Variants in MCOLN3 observed in about 807,000 individuals in gnomAD.
The protein encoded by MCOLN3 is mucolipin TRP cation channel 3.
In MCOLN3, 62 loss-of-function variants were observed where a neutral mutation model predicts 69.4. The ratio of observed to expected loss-of-function variants is 0.89; its 90% CI spans 0.73 to 1.10. The LOEUF is 1.10. Among genes scored for constraint, MCOLN3 ranks in the 50% least tolerant of loss-of-function variants. The pLI is 0.00. For missense variants in MCOLN3, 564 were observed against 656.4 expected (o/e 0.86, Z 1.54); for synonymous variants, 183 against 217.0 (o/e 0.84, Z 1.38).
chr1:85,026,647 C>T (rs1390979238), intron 7 of MCOLN3, among the ~76,000 whole-genome samples: 2 of 151,392 alleles, frequency 1.3e-5, no homozygotes, highest in East Asian at 3.9e-4. Context: ...GTCCCAGCTA[C>T]TTGGGAGGCT....
intron 12 of MCOLN3, 119 bp downstream of exon 12, chr1:85,020,951 C>T (rs1003716936): frequency 1.4e-5 from 10 of 694,500 alleles, no homozygotes; most frequent in Non-Finnish European, 2.0e-5. Context: ...GGTCCTTTTT[C>T]TCTATCCTGA....
chr1:85,021,377 C>A, intron 11 of MCOLN3, 101 bp from the exon 12 acceptor site: 2 of 933,336 alleles, frequency 2.1e-6, no homozygotes, highest in East Asian at 5.0e-5. Flanking sequence ...CCAGATAACC[C>A]AAGCTACCAT....
chr1:85,025,900 A>G (rs980292077), intron 9 of MCOLN3, 39 bp downstream of exon 9: 1 of 1,549,034 alleles, frequency 6.5e-7, no homozygotes, highest in African/African-American at 1.4e-5. Context: ...ATTAGTGCAA[A>G]TCTGACACTA....
At chr1:85,030,575 T>C (rs1441043831) in intron 6 of MCOLN3, among the ~76,000 whole-genome samples, 2 of 152,120 alleles carry the variant, frequency 1.3e-5, no homozygotes, top group African/African-American at 2.4e-5. Flanking sequence ...AAGAAAATCA[T>C]GCTGAATAAA....
chr1:85,019,231 C>T lies in MCOLN3; in HGVS notation c.1554G>A (p.Glu518=), dbSNP rs1205158144. Residue 518 remains glutamate (E), a synonymous_variant, in exon 13 of 13, where the codon GAG becomes GAA. Coordinates refer to ENST00000370589, the MANE Select transcript of MCOLN3 (RefSeq NM_018298.11). ...IKQYQQDGFP[E]TELRTFISEC... ...CTGATATAAATGTACGAAGTTCAGTCTCTGGGAAGCCATCTTGTTGGTATT... is the reference window on the plus strand; with the variant it reads ...CTGATATAAATGTACGAAGTTCAGTTTCTGGGAAGCCATCTTGTTGGTATT... 6.2e-7 allele frequency: 1 copy of T among 1,613,806 alleles called. No individual in the cohort carries two copies. The highest frequency in any genetic ancestry group is 2.2e-5 in the East Asian group (1 of 44,854).
chr1:85,018,362 C>A lies in MCOLN3; in HGVS notation c.*761G>T, dbSNP rs1239932320. 6.6e-6 allele frequency: 1 copy of A among 152,142 alleles called. No homozygotes were observed. 9.4% of individuals were successfully genotyped at this position (152,142 alleles called of 1,614,324 possible). On this transcript the variant is annotated 3_prime_UTR_variant, in exon 13 of 13. Coordinates refer to ENST00000370589, the MANE Select transcript of MCOLN3 (RefSeq NM_018298.11). ...TCCCTTTTCTATGTTTAGATACTTA[C>A]CATTGTGTTACAATTGCCTACTGTA...
At chr1:85,043,917 C>T (rs1386633304) in intron 2 of MCOLN3, among the ~76,000 whole-genome samples, 2 of 151,514 alleles carry the variant, frequency 1.3e-5, no homozygotes, top group Non-Finnish European at 2.9e-5. Context: ...CCACACCTGG[C>T]TTATTTTTGT....
intron 3 of MCOLN3, among the ~76,000 whole-genome samples, chr1:85,036,265 C>A (rs1652799434): frequency 6.6e-6 from 1 of 152,284 alleles, no homozygotes. Context: ...GATCTCGGCT[C>A]ACTGCAACCT....
chr1:85,031,918 TAC>T (rs1652546551), intron 6 of MCOLN3, among the ~76,000 whole-genome samples: 2 of 141,074 alleles, frequency 1.4e-5, no homozygotes, highest in South Asian at 4.5e-4. Flanking sequence ...TAAAAAAAAA[TAC>T]AAAAAATTAG....
chr1:85,027,428 A>T (rs567886682), intron 7 of MCOLN3, among the ~76,000 whole-genome samples: 1 of 152,352 alleles, frequency 6.6e-6, no homozygotes, highest in Non-Finnish European at 1.5e-5. Flanking sequence ...GAGAGGTCAC[A>T]TGATTTCCCC....
chr1:85,041,231 C>G, intron 2 of MCOLN3, 54 bp from the exon 3 acceptor site: 1 of 1,494,004 alleles, frequency 6.7e-7, no homozygotes, highest in Non-Finnish European at 9.1e-7. Flanking sequence ...GCAGAAAAAG[C>G]AGAGCAGAAG....
At chr1:85,041,206 G>A in intron 2 of MCOLN3, 29 bp from the exon 3 acceptor site, 2 of 1,591,098 alleles carry the variant, frequency 1.3e-6, no homozygotes, top group Non-Finnish European at 1.7e-6. Flanking sequence ...AAAGGTAAGA[G>A]GGTGGAAAAT....
chr1:85,026,156 A>C lies in MCOLN3; in HGVS notation c.945+16T>G. On this transcript the variant is annotated intron_variant, in intron 8 of 12. Coordinates refer to ENST00000370589, the MANE Select transcript of MCOLN3 (RefSeq NM_018298.11). ...TCAAAATGTCAGTAGCATTCCTAGA[A>C]AGCAACGTTCCCTACCTGCTGAAGC... 6.2e-7 allele frequency: 1 copy of C among 1,613,596 alleles called. No individual in the cohort carries two copies. Among genetic ancestry groups the C allele is most frequent in the Non-Finnish European group, 8.5e-7 (1 of 1,179,556 alleles).
In MCOLN3 at chr1:85,021,230, T is replaced by C. The variant is rs576043238; in HGVS notation, c.1367A>G (p.Asn456Ser). ...AAACGTGGCAAACATATCATCTCCA[T>C]TTATCAGAGAGAAAAGGCACTCAGA... ...MVSECLFSLI[N>S]GDDMFATFAK... Residue 456 changes from asparagine to serine, a missense_variant, in exon 12 of 13, where the codon AAT becomes AGT. Transcript: ENST00000370589. The C allele has an allele frequency of 5.6e-6, 9 of 1,613,832 alleles. No homozygotes were observed. The South Asian group carries it at 8.8e-5, about 16-fold the overall frequency.
chr1:85,034,199 C>T lies in MCOLN3; in HGVS notation c.449G>A (p.Gly150Asp), dbSNP rs1490768746. The change falls in exon 4 of 13, where the codon GGT (glycine) becomes GAT (aspartate). Residue 150 changes from glycine (G) to aspartate (D), a missense_variant. By Grantham distance (94) the Gly-to-Asp change is moderately conservative. Coordinates refer to ENST00000370589, the MANE Select transcript of MCOLN3 (RefSeq NM_018298.11). ...SVGNHAYENKGTKQSAMAICQ... is the reference protein window; with the variant it reads ...SVGNHAYENKDTKQSAMAICQ... ...GATTGCCATAGCAGATTGCTTGGTA[C>T]CTTTGTTCTCATAAGCATGATTCCC... The T allele has an allele frequency of 6.2e-7, 1 of 1,614,146 alleles. No homozygotes were observed. Among genetic ancestry groups the T allele is most frequent in the East Asian group, 2.2e-5 (1 of 44,884 alleles).
chr1:85,030,630 C>T (rs1411350955), intron 6 of MCOLN3, among the ~76,000 whole-genome samples: 2 of 152,054 alleles, frequency 1.3e-5, no homozygotes. Flanking sequence ...CCAAGATGCT[C>T]AATGAACCTT....
At chr1:85,029,349 T>C (rs1337933731) in intron 6 of MCOLN3, 144 bp from the exon 7 acceptor site, 2 of 598,622 alleles carry the variant, frequency 3.3e-6, no homozygotes, top group Non-Finnish European at 5.9e-6. Flanking sequence ...TGTTCAACCA[T>C]GGGAAGTTCT....
Position 85,041,991 on chromosome 1 carries a change from GCA to G in MCOLN3, c.229-816_229-815del, listed in dbSNP as rs146720463. Among the ~76,000 whole-genome samples the G allele has an allele frequency of 2.5e-4, 37 of 145,396 alleles. No homozygotes were observed. In the East Asian group the frequency reaches 3.2e-3, roughly 13 times the overall value. ...ACAAATGCACACACAGCACACACAGGCACACACACACACACACACCACATGCT... is the reference window on the plus strand; with the variant it reads ...ACAAATGCACACACAGCACACACAGGCACACACACACACACACCACATGCT... On this transcript the variant is annotated intron_variant, in intron 2 of 12. Transcript: ENST00000370589.
chr1:85,047,631 C>T (rs1367889162), intron 1 of MCOLN3: 1 of 152,254 alleles, frequency 6.6e-6, no homozygotes, highest in South Asian at 2.1e-4. Context: ...TGGAGAAAGC[C>T]CGGGAGTGTA....
Sources: gnomAD v4.1 joint callset for allele counts (sites outside exome capture counted in the v4.1 genomes callset) on GRCh38, gnomAD v4.1.1 for gene constraint, MANE v1.5 for transcripts, NCBI Gene and HGNC (gene_info 2026-07-23, HGNC 2026-07-21) for gene names.